Variants in GSE1 observed in about 807,000 individuals in gnomAD.
GSE1 encodes genetic suppressor element 1.
GSE1 carries 32 observed loss-of-function variants against 112.6 expected under a neutral mutation model. The observed-to-expected ratio is 0.28, with a 90% CI of 0.21 to 0.38. The LOEUF is 0.38. Ranked by LOEUF, GSE1 falls within the 10% of genes least tolerant of loss-of-function variation. GSE1 has a pLI of 1.00. For synonymous variants in GSE1, 1,115 were observed against 735.6 expected (o/e 1.52, Z -8.35); for missense variants, 2,348 against 1,699.2 (o/e 1.38, Z -6.71).
intron 2 of GSE1, among the ~76,000 whole-genome samples, chr16:85,506,098 G>A (rs1597990826): frequency 6.6e-6 from 1 of 152,292 alleles, no homozygotes; most frequent in East Asian, 1.9e-4. Context: ...CCGGGGAGGT[G>A]ACCTGCAGAC....
rs1273368915 is a variant in GSE1 at position 85,411,108 on chromosome 16, C to T, written c.2464+53465C>T. On this transcript the variant is annotated intron_variant, in intron 2 of 2. Coordinates refer to the GSE1 transcript ENST00000637419. Reference sequence around the variant, plus strand: ...CCCGGATAATCCTCACTGTTACACTCAGGCCCCCCGGATAATCCTCACCGT... The same window carrying T: ...CCCGGATAATCCTCACTGTTACACTTAGGCCCCCCGGATAATCCTCACCGT... Among the ~76,000 whole-genome samples the T allele has an allele frequency of 3.4e-5, 4 of 117,860 alleles. 1 individual carries two copies. Among genetic ancestry groups the T allele is most frequent in the African/African-American group, 1.7e-4 (4 of 23,148 alleles). 77.3% of individuals were successfully genotyped at this position (117,860 alleles called of 152,430 possible).
At chr16:85,267,590 G>A (rs1908390815) in intron 1 of GSE1, among the ~76,000 whole-genome samples, 4 of 152,172 alleles carry the variant, frequency 2.6e-5, no homozygotes, top group African/African-American at 9.7e-5. Flanking sequence ...AGCACCTGCT[G>A]CAACAAGTAT....
intron 1 of GSE1, among the ~76,000 whole-genome samples, chr16:85,210,457 A>T (rs2075205530): frequency 6.6e-6 from 1 of 152,194 alleles, no homozygotes; most frequent in South Asian, 2.1e-4. Context: ...TTAGCCGGGC[A>T]TGATGCCTGT....
chr16:85,668,704 A>G (rs984454741), intron 14 of GSE1, among the ~76,000 whole-genome samples: 3 of 152,188 alleles, frequency 2.0e-5, no homozygotes, highest in Non-Finnish European at 4.4e-5. Context: ...GGGCTGCATC[A>G]GTGCTGATGT....
intron 2 of GSE1, among the ~76,000 whole-genome samples, chr16:85,641,979 G>A (rs1474500940): frequency 3.9e-5 from 6 of 152,246 alleles, no homozygotes; most frequent in Non-Finnish European, 7.3e-5. Context: ...AGAAAGTGGA[G>A]GAGCAGCCCT....
intron 2 of GSE1, among the ~76,000 whole-genome samples, chr16:85,450,117 CTTTTTT>C (rs59854597): frequency 2.8e-3 from 223 of 79,504 alleles, no homozygotes; most frequent in Admixed American, 5.2e-3. Context: ...AGGCAGCTGA[CTTTTTT>C]TTTTTTTTTT....
chr16:85,473,820 C>A (rs1185137525), intron 2 of GSE1, among the ~76,000 whole-genome samples: 2 of 152,020 alleles, frequency 1.3e-5, no homozygotes, highest in African/African-American at 2.4e-5. Context: ...ACAGCAGAGA[C>A]CTCTCTGAGA....
At chr16:85,547,462 C>T (rs1348362601) in intron 2 of GSE1, among the ~76,000 whole-genome samples, 1 of 152,194 alleles carries the variant, frequency 6.6e-6, no homozygotes, top group Non-Finnish European at 1.5e-5. Context: ...GCCATCTCTC[C>T]TGTGTGTCTT....
intron 1 of GSE1, among the ~76,000 whole-genome samples, chr16:85,302,204 A>G (rs1283109289): frequency 1.3e-5 from 2 of 152,166 alleles, no homozygotes; most frequent in Non-Finnish European, 2.9e-5. Flanking sequence ...GAGGACTCGA[A>G]TGCACACTCT....
intron 2 of GSE1, among the ~76,000 whole-genome samples, chr16:85,366,117 G>A (rs906895695): frequency 3.9e-5 from 6 of 152,268 alleles, no homozygotes; most frequent in East Asian, 1.9e-4. Flanking sequence ...CTCCACCGCC[G>A]GGAAGGCGGG....
intron 2 of GSE1, among the ~76,000 whole-genome samples, chr16:85,476,838 C>A (rs565406076): frequency 2.6e-5 from 4 of 151,002 alleles, no homozygotes; most frequent in Admixed American, 2.0e-4. Flanking sequence ...GCCTTGAACT[C>A]CTGGGCTCAA....
At chr16:85,414,004 A>G (rs1350019898) in intron 2 of GSE1, among the ~76,000 whole-genome samples, 1 of 152,150 alleles carries the variant, frequency 6.6e-6, no homozygotes, top group Admixed American at 6.5e-5. Context: ...CATGATTGTA[A>G]GTTCCTGAGG....
chr16:85,569,910 A>AT (rs1384538621), intron 1 of GSE1, among the ~76,000 whole-genome samples: 1 of 152,064 alleles, frequency 6.6e-6, no homozygotes, highest in Admixed American at 6.5e-5. Context: ...CTGTGTGGAG[A>AT]TGAGGCCACT....
intron 1 of GSE1, among the ~76,000 whole-genome samples, chr16:85,194,372 C>G (rs1173445496): frequency 6.6e-6 from 1 of 152,170 alleles, no homozygotes; most frequent in Admixed American, 6.5e-5. Context: ...AGGTCAGAGG[C>G]TGGTCTGGGA....
chr16:85,652,677 A>G (rs1365897550), intron 3 of GSE1, among the ~76,000 whole-genome samples: 1 of 152,076 alleles, frequency 6.6e-6, no homozygotes, highest in Non-Finnish European at 1.5e-5. Context: ...CTGCCGGGTC[A>G]CCGTCTGCCG....
At chr16:85,437,677 C>A (rs1053783780) in intron 2 of GSE1, among the ~76,000 whole-genome samples, 1 of 152,172 alleles carries the variant, frequency 6.6e-6, no homozygotes, top group East Asian at 1.9e-4. Context: ...CCTGCCCCAC[C>A]TGGACCTGTT....
intron 1 of GSE1, among the ~76,000 whole-genome samples, chr16:85,172,509 G>T (rs374613294): frequency 6.6e-6 from 1 of 152,230 alleles, no homozygotes; most frequent in Non-Finnish European, 1.5e-5. Context: ...CCTGCTGCCC[G>T]CCCGCGAGGA....
intron 1 of GSE1, among the ~76,000 whole-genome samples, chr16:85,173,487 G>C (rs994876396): frequency 2.0e-5 from 3 of 152,150 alleles, no homozygotes; most frequent in Admixed American, 2.0e-4. Flanking sequence ...TGGGACCCTC[G>C]TGTCCTCCAC....
At chr16:85,559,683 C>T (rs1365133594) in intron 1 of GSE1, among the ~76,000 whole-genome samples, 3 of 152,148 alleles carry the variant, frequency 2.0e-5, no homozygotes, top group South Asian at 2.1e-4. Flanking sequence ...TGTCCTTGGG[C>T]GGGTGACTGA....
Sources: gnomAD v4.1 joint callset for allele counts (sites outside exome capture counted in the v4.1 genomes callset) on GRCh38, gnomAD v4.1.1 for gene constraint, MANE v1.5 for transcripts, NCBI Gene and HGNC (gene_info 2026-07-23, HGNC 2026-07-21) for gene names.